The following SNX18 variants were observed in gnomAD, a reference collection of about 807,000 sequenced individuals.
The protein encoded by SNX18 is sorting nexin-18.
A neutral mutation model predicts 48.7 loss-of-function variants in SNX18; 35 were observed. The ratio of observed to expected loss-of-function variants is 0.72; its 90% CI spans 0.55 to 0.95. SNX18 has a LOEUF of 0.95. Ranked by LOEUF, SNX18 falls within the 40% of genes least tolerant of loss-of-function variation. SNX18 has a pLI of 0.00. For synonymous variants in SNX18, 492 were observed against 384.7 expected (o/e 1.28, Z -3.26); for missense variants, 824 against 871.0 (o/e 0.95, Z 0.68).
rs576414948 is a variant in SNX18 at position 54,545,874 on chromosome 5, A to G, written c.*2442A>G. ...AAACTATCATGCCCTTCATGCCATT[A>G]TTTGTCTTTATTTCTATGATTTATA... On this transcript the variant is annotated 3_prime_UTR_variant, in exon 2 of 2. Transcript: ENST00000381410. The G allele has an allele frequency of 6.6e-6, 1 of 152,070 alleles. No homozygotes were observed. Among genetic ancestry groups the G allele is most frequent in the East Asian group, 1.9e-4 (1 of 5,176 alleles). The allele number at this position is 152,070 out of a possible 1,614,324, so 9.4% of individuals were successfully genotyped here. A position where few individuals can be genotyped will look rare whatever the true frequency, so the allele number is the denominator to read the frequency against.
At chr5:54,625,146 A>G in the SNX18 span, among the ~76,000 whole-genome samples, 1 of 152,174 alleles carries the variant, frequency 6.6e-6, no homozygotes, top group Non-Finnish European at 1.5e-5. Flanking sequence ...CTCAGGCCAT[A>G]GTGTGTATGA....
chr5:54,639,599 CTTTA>C, the SNX18 span, among the ~76,000 whole-genome samples: 1 of 107,722 alleles, frequency 9.3e-6, no homozygotes, highest in Admixed American at 8.7e-5. Flanking sequence ...TATTTTTAAT[CTTTA>C]TTTTTCACGA....
chr5:54,634,996 C>T, the SNX18 span, among the ~76,000 whole-genome samples: 1 of 151,900 alleles, frequency 6.6e-6, no homozygotes, highest in East Asian at 1.9e-4. Flanking sequence ...TTTAAAGCAG[C>T]CGGAAAATAA....
rs985872582 is a variant in SNX18, at chr5:54,543,983, C to T, written c.*551C>T. On this transcript the variant is annotated 3_prime_UTR_variant, in exon 2 of 2. Coordinates refer to ENST00000381410, the MANE Select transcript of SNX18 (RefSeq NM_001102575.2). Reference sequence around the variant, plus strand: ...CTTTTCTGATTGAAAGAGTGAAAGGCCAGTGCATATAATGACAAACTGATG... The same window carrying T: ...CTTTTCTGATTGAAAGAGTGAAAGGTCAGTGCATATAATGACAAACTGATG... 4 of 145,916 alleles carry T rather than the reference C, an allele frequency of 2.7e-5. No individual in the cohort carries two copies. The highest frequency in any genetic ancestry group is 7.6e-5 in the African/African-American group (3 of 39,472). The allele number at this position is 145,916 out of a possible 1,614,324, so 9.0% of individuals were successfully genotyped here.
chr5:54,579,969 T>C, the SNX18 span, among the ~76,000 whole-genome samples: 2 of 152,212 alleles, frequency 1.3e-5, no homozygotes, highest in African/African-American at 4.8e-5. Context: ...ATTTGTCTGT[T>C]GTACCCAATA....
chr5:54,529,148 T>A (rs1300040226), intron 1 of SNX18, among the ~76,000 whole-genome samples: 5 of 152,024 alleles, frequency 3.3e-5, no homozygotes, highest in Non-Finnish European at 7.4e-5. Context: ...AATTCAGTAA[T>A]TCAGACAAGA....
the SNX18 span, among the ~76,000 whole-genome samples, chr5:54,646,685 G>A: frequency 3.9e-5 from 6 of 152,200 alleles, no homozygotes; most frequent in African/African-American, 1.4e-4. Flanking sequence ...TTGGTTGCCT[G>A]CCACCCAAGT....
the SNX18 span, among the ~76,000 whole-genome samples, chr5:54,603,632 G>GA: frequency 6.6e-6 from 1 of 152,026 alleles, no homozygotes; most frequent in Admixed American, 6.6e-5. Flanking sequence ...AGAAGCCAAA[G>GA]AAAAAAGAAT....
At chr5:54,629,966 G>C in the SNX18 span, among the ~76,000 whole-genome samples, 3 of 152,224 alleles carry the variant, frequency 2.0e-5, no homozygotes, top group Admixed American at 6.5e-5. Context: ...ATAATAATTA[G>C]CTGATATTTA....
At chr5:54,636,913 T>C in the SNX18 span, among the ~76,000 whole-genome samples, 1 of 152,180 alleles carries the variant, frequency 6.6e-6, no homozygotes, top group East Asian at 1.9e-4. Flanking sequence ...TTGCCTGTAT[T>C]CTTTCTTAAC....
the SNX18 span, among the ~76,000 whole-genome samples, chr5:54,631,507 CGAG>C: frequency 8.5e-5 from 13 of 152,170 alleles, no homozygotes; most frequent in Non-Finnish European, 1.3e-4. Flanking sequence ...GTCCACATGA[CGAG>C]TTTATTCTCC....
chr5:54,623,604 T>C, the SNX18 span, among the ~76,000 whole-genome samples: 1 of 152,056 alleles, frequency 6.6e-6, no homozygotes, highest in Middle Eastern at 3.2e-3. Flanking sequence ...AGGAGTGATG[T>C]TCTCTATTCA....
chr5:54,601,427 G>A, the SNX18 span, among the ~76,000 whole-genome samples: 3 of 152,182 alleles, frequency 2.0e-5, no homozygotes, highest in Non-Finnish European at 4.4e-5. Context: ...ATGTTTGCTA[G>A]ACTCTAACAG....
chr5:54,590,634 T>C, the SNX18 span, among the ~76,000 whole-genome samples: 6 of 152,216 alleles, frequency 3.9e-5, no homozygotes, highest in East Asian at 1.2e-3. Context: ...TGGTCTTTAT[T>C]CCAAAAATGC....
the SNX18 span, among the ~76,000 whole-genome samples, chr5:54,638,222 T>G: frequency 1.3e-5 from 2 of 152,226 alleles, no homozygotes; most frequent in African/African-American, 4.8e-5. Flanking sequence ...TTTTTAGATA[T>G]AGTTAATGGT....
At chr5:54,603,957 G>A in the SNX18 span, among the ~76,000 whole-genome samples, 15 of 152,212 alleles carry the variant, frequency 9.9e-5, no homozygotes, top group Non-Finnish European at 1.9e-4. Context: ...GTGGAAAGGA[G>A]AAAGAACACT....
Position 54,545,671 on chromosome 5 carries a change from G to C in SNX18, c.*2239G>C, listed in dbSNP as rs1762566180. The C allele has an allele frequency of 6.6e-6, 1 of 152,088 alleles. No homozygotes were observed. Among genetic ancestry groups the C allele is most frequent in the South Asian group, 2.1e-4 (1 of 4,824 alleles). 9.4% of individuals were successfully genotyped at this position (152,088 alleles called of 1,614,324 possible). On this transcript the variant is annotated 3_prime_UTR_variant, in exon 2 of 2. Transcript: ENST00000381410. ...CATACGGGATTTACATTAATTCTAT[G>C]GGGGAGGACACTAGAATTATTAGTG...
chr5:54,548,009 A>T (rs75836010), downstream of SNX18, among the ~76,000 whole-genome samples: 1,920 of 152,270 alleles, frequency 0.013, 31 homozygotes, highest in African/African-American at 0.042. Context: ...CATGGGCAGG[A>T]AACCAGAAAA....
chr5:54,612,271 T>C, the SNX18 span, among the ~76,000 whole-genome samples: 2 of 152,070 alleles, frequency 1.3e-5, no homozygotes, highest in Non-Finnish European at 2.9e-5. Context: ...TTTATTTTTT[T>C]TTTTTGAGAT....
Sources: allele counts gnomAD v4.1 joint callset (sites outside exome capture counted in the v4.1 genomes callset), GRCh38; gene constraint gnomAD v4.1.1; transcripts MANE v1.5; gene names NCBI Gene and HGNC (gene_info 2026-07-23, HGNC 2026-07-21).